Variants in CTNNA2 observed in about 807,000 individuals in gnomAD.
CTNNA2 encodes catenin alpha 2.
A neutral mutation model predicts 101.0 loss-of-function variants in CTNNA2; 42 were observed. The ratio of observed to expected loss-of-function variants is 0.42; its 90% CI spans 0.32 to 0.54. CTNNA2 has a LOEUF of 0.54. CTNNA2 is among the 20% of genes least tolerant of loss of function. CTNNA2 has a pLI of 0.14. For missense variants in CTNNA2, 871 were observed against 1,223.1 expected (o/e 0.71, Z 4.29); for synonymous variants, 450 against 456.4 (o/e 0.99, Z 0.18).
At chr2:79,732,312 A>G (rs1444187689) in intron 2 of CTNNA2, among the ~76,000 whole-genome samples, 2 of 152,082 alleles carry the variant, frequency 1.3e-5, no homozygotes, top group Non-Finnish European at 2.9e-5. Context: ...CTAGAACTGT[A>G]TAAGAACAAG....
chr2:80,367,943 G>C (rs1464686438), intron 7 of CTNNA2, among the ~76,000 whole-genome samples: 3 of 152,084 alleles, frequency 2.0e-5, no homozygotes, highest in Non-Finnish European at 4.4e-5. Flanking sequence ...TTTGGCAGTT[G>C]AGTTCCAAGA....
At chr2:80,500,919 G>T (rs1687832077) in intron 9 of CTNNA2, among the ~76,000 whole-genome samples, 1 of 152,210 alleles carries the variant, frequency 6.6e-6, no homozygotes, top group Non-Finnish European at 1.5e-5. Flanking sequence ...AAGGTTAGAT[G>T]CAGTTTTTCT....
chr2:79,243,417 A>G (rs1168714809), intron 2 of CTNNA2, among the ~76,000 whole-genome samples: 1 of 152,158 alleles, frequency 6.6e-6, no homozygotes, highest in East Asian at 1.9e-4. Flanking sequence ...ACAGAGAGAC[A>G]CTAATATTCT....
intron 7 of CTNNA2, among the ~76,000 whole-genome samples, chr2:80,350,533 G>T (rs1673185932): frequency 6.6e-6 from 1 of 152,144 alleles, no homozygotes; most frequent in Admixed American, 6.5e-5. Context: ...AAACACAAAG[G>T]AGCTTGTCCT....
chr2:79,570,358 AT>A (rs1200323083), intron 1 of CTNNA2, among the ~76,000 whole-genome samples: 15 of 151,994 alleles, frequency 9.9e-5, no homozygotes, highest in Non-Finnish European at 1.8e-4. Context: ...CCTAGAAATG[AT>A]TTTTTTCTTT....
intron 1 of CTNNA2, among the ~76,000 whole-genome samples, chr2:79,563,950 C>T (rs745394757): frequency 2.0e-4 from 30 of 152,138 alleles, no homozygotes; most frequent in Non-Finnish European, 3.8e-4. Flanking sequence ...TCTTTTCCAT[C>T]CTCATAATGG....
intron 7 of CTNNA2, among the ~76,000 whole-genome samples, chr2:80,169,195 TC>T (rs1169403213): frequency 2.6e-5 from 4 of 152,162 alleles, no homozygotes; most frequent in African/African-American, 9.7e-5. Context: ...TGTGGATGGA[TC>T]CCCCAAATGC....
rs1209857793 is a variant in CTNNA2 at position 80,303,057 on chromosome 2, C to G, written c.1057-90154C>G. 1.9e-6 allele frequency: 3 copies of G among 1,613,978 alleles called. No homozygotes were observed. Among genetic ancestry groups the G allele is most frequent in the Non-Finnish European group, 2.5e-6 (3 of 1,180,016 alleles). ...AAGTCCATTTTCTCCAGGTTCCAAACCCAGTCCAGCGAGCTGACCACAATG... is the reference window on the plus strand; with the variant it reads ...AAGTCCATTTTCTCCAGGTTCCAAAGCCAGTCCAGCGAGCTGACCACAATG... On this transcript the variant is annotated intron_variant, in intron 7 of 18. Transcript: ENST00000402739. This position sits in a 1 kb window ranked among gnomAD's most constrained non-coding sequence, Gnocchi z 7.7.
At chr2:79,973,663 A>G (rs1203637527) in intron 7 of CTNNA2, among the ~76,000 whole-genome samples, 1 of 152,192 alleles carries the variant, frequency 6.6e-6, no homozygotes, top group Non-Finnish European at 1.5e-5. Context: ...GGGCATTGCA[A>G]TGGACAACCT....
intron 3 of CTNNA2, among the ~76,000 whole-genome samples, chr2:79,857,015 C>T (rs1453714350): frequency 6.6e-6 from 1 of 152,280 alleles, no homozygotes; most frequent in East Asian, 1.9e-4. Flanking sequence ...AAATCCAAAC[C>T]TCTTACATGG....
intron 3 of CTNNA2, among the ~76,000 whole-genome samples, chr2:79,809,759 C>T (rs868069701): frequency 1.4e-4 from 21 of 152,112 alleles, no homozygotes; most frequent in African/African-American, 4.8e-4. Flanking sequence ...ATGATAGTTT[C>T]TTTTGCTATG....
At chr2:79,499,054 C>G (rs1168217033) in intron 4 of CTNNA2, 2 of 152,108 alleles carry the variant, frequency 1.3e-5, no homozygotes, top group Non-Finnish European at 2.9e-5. Flanking sequence ...TATGTTCCAC[C>G]CTCTGTGAGT....
At chr2:79,299,818 A>T (rs1676066361) in intron 2 of CTNNA2, among the ~76,000 whole-genome samples, 3 of 152,234 alleles carry the variant, frequency 2.0e-5, no homozygotes, top group Non-Finnish European at 2.9e-5. Flanking sequence ...ATAAAGTCAC[A>T]CTGGGATTGA....
At chr2:80,366,414 C>T (rs745763466) in intron 7 of CTNNA2, among the ~76,000 whole-genome samples, 30 of 152,044 alleles carry the variant, frequency 2.0e-4, no homozygotes, top group Non-Finnish European at 3.4e-4. Context: ...GTGGCAGTGG[C>T]GGCGTGTGTG....
At chr2:79,777,599 C>T (rs1182598933) in intron 3 of CTNNA2, among the ~76,000 whole-genome samples, 3 of 152,028 alleles carry the variant, frequency 2.0e-5, no homozygotes, top group Non-Finnish European at 2.9e-5. Flanking sequence ...GAGAGCTTGC[C>T]CCATTCTCTT....
intron 3 of CTNNA2, among the ~76,000 whole-genome samples, chr2:79,782,092 C>G (rs1432727335): frequency 6.6e-6 from 1 of 152,074 alleles, no homozygotes; most frequent in African/African-American, 2.4e-5. Context: ...GGTTTAGTGG[C>G]ATTTATTGCT....
At chr2:80,541,018 C>G (rs1691506840) in intron 9 of CTNNA2, among the ~76,000 whole-genome samples, 1 of 152,144 alleles carries the variant, frequency 6.6e-6, no homozygotes, top group Admixed American at 6.5e-5. Flanking sequence ...GGGACTGCCT[C>G]AAGCTATGAA....
chr2:79,915,727 C>T (rs974178458), intron 7 of CTNNA2, among the ~76,000 whole-genome samples: 4 of 152,096 alleles, frequency 2.6e-5, no homozygotes, highest in African/African-American at 9.7e-5. Context: ...ATTTAAGTGC[C>T]TCTGGGATTC....
intron 6 of CTNNA2, among the ~76,000 whole-genome samples, chr2:79,887,043 C>T (rs1451399245): frequency 2.6e-5 from 4 of 152,012 alleles, no homozygotes; most frequent in African/African-American, 9.7e-5. Context: ...TCTTGAACTC[C>T]TGAACTCAAG....
Sources: gnomAD v4.1 joint callset for allele counts (sites outside exome capture counted in the v4.1 genomes callset) on GRCh38, gnomAD v4.1.1 for gene constraint, Gnocchi (gnomAD v3.1) non-coding constraint, MANE v1.5 for transcripts, NCBI Gene and HGNC (gene_info 2026-07-23, HGNC 2026-07-21) for gene names.